Variants in ZNF827 observed in about 807,000 individuals in gnomAD.
ZNF827 encodes the protein zinc finger protein 827.
In ZNF827, 13 loss-of-function variants were observed where a neutral mutation model predicts 102.4. The observed-to-expected ratio is 0.13, with a 90% CI of 0.08 to 0.20. The LOEUF is 0.20. Ranked by LOEUF, ZNF827 falls within the 10% of genes least tolerant of loss-of-function variation. The pLI, the probability that ZNF827 is intolerant of heterozygous loss-of-function variation, is 1.00. For synonymous variants in ZNF827, 523 were observed against 536.2 expected (o/e 0.98, Z 0.34); for missense variants, 1,103 against 1,344.4 (o/e 0.82, Z 2.81).
At chr4:145,806,288 A>T (rs1741437795) in intron 8 of ZNF827, among the ~76,000 whole-genome samples, 1 of 151,028 alleles carries the variant, frequency 6.6e-6, no homozygotes, top group African/African-American at 2.4e-5. Context: ...AGTAACTGGG[A>T]TCACAGGCAC....
Position 145,902,503 on chromosome 4 carries a change from G to A in ZNF827, c.756C>T (p.Thr252=). The A allele has an allele frequency of 3.1e-6, 5 of 1,614,166 alleles. No individual in the cohort carries two copies. The highest frequency in any genetic ancestry group is 4.2e-6 in the Non-Finnish European group (5 of 1,180,046). Residue 252 remains threonine, a synonymous_variant, in exon 2 of 15, where the codon ACC becomes ACT. Coordinates refer to ENST00000508784, the MANE Select transcript of ZNF827 (RefSeq NM_001306215.2). This position sits in a 1 kb window ranked among gnomAD's most constrained non-coding sequence, Gnocchi z 4.3. ...SPFSSQSASS[T]LAALSKKVSE... The stretch of plus-strand genomic sequence containing the variant: ...TGACCTTCTTGGACAAAGCGGCCAA[G>A]GTAGAACTGGCAGACTGGGAGCTAA...
chr4:145,917,472 A>G (rs1305657678), intron 1 of ZNF827, among the ~76,000 whole-genome samples: 1 of 152,090 alleles, frequency 6.6e-6, no homozygotes, highest in East Asian at 1.9e-4. Flanking sequence ...TCCCATGATA[A>G]TAATATTAAC....
Position 145,774,422 on chromosome 4 carries a change from T to C in ZNF827, c.2860+84A>G, listed in dbSNP as rs984941031. On this transcript the variant is annotated intron_variant, in intron 11 of 14. Transcript: ENST00000508784. ...GGAAAAGGGCAATGTCTCAGGGCAG[T>C]GGGGATGCTTCGGCCAGGTGGCAGG... 17 of 1,455,246 alleles carry C rather than the reference T, an allele frequency of 1.2e-5. No homozygotes were observed. The African/African-American group carries it at 1.8e-4, about 16-fold the overall frequency. The allele number at this position is 1,455,246 out of a possible 1,614,324, so 90.1% of individuals were successfully genotyped here.
In ZNF827 at chr4:145,769,479, T is replaced by C. The variant is rs972733649; in HGVS notation, c.2861-3741A>G. Among the ~76,000 whole-genome samples the C allele has an allele frequency of 1.6e-4, 24 of 152,194 alleles. 2 individuals are homozygous for C. The highest frequency in any genetic ancestry group is 1.5e-3 in the Admixed American group (23 of 15,284). ...TAATTTCAACTACCATCTCTAAACA[T>C]AGATTCAAGTACCCTTAGGCTTAAG... On this transcript the variant is annotated intron_variant, in intron 11 of 14. Transcript: ENST00000508784.
intron 11 of ZNF827, among the ~76,000 whole-genome samples, chr4:145,772,083 C>T (rs1736373782): frequency 6.6e-6 from 1 of 152,172 alleles, no homozygotes; most frequent in Non-Finnish European, 1.5e-5. Flanking sequence ...GTAACTTCCA[C>T]ATAGATTACA....
chr4:145,844,224 T>C (rs1403289893), intron 7 of ZNF827, among the ~76,000 whole-genome samples: 1 of 151,968 alleles, frequency 6.6e-6, no homozygotes, highest in Non-Finnish European at 1.5e-5. Context: ...AAACTTAATA[T>C]ACAAAATAGC....
At chr4:145,794,263 G>T (rs1740148423) in intron 8 of ZNF827, among the ~76,000 whole-genome samples, 1 of 152,186 alleles carries the variant, frequency 6.6e-6, no homozygotes, top group Non-Finnish European at 1.5e-5. Flanking sequence ...GCCACATTCT[G>T]ATTTCAACAG....
At chr4:145,821,746 A>C (rs1431304601) in intron 8 of ZNF827, among the ~76,000 whole-genome samples, 3 of 152,050 alleles carry the variant, frequency 2.0e-5, no homozygotes, top group Admixed American at 6.5e-5. Context: ...TTAAGCTTTT[A>C]AAGTGTGAGT....
chr4:145,826,249 A>G (rs1184579762), intron 7 of ZNF827, among the ~76,000 whole-genome samples: 2 of 152,244 alleles, frequency 1.3e-5, no homozygotes, highest in African/African-American at 4.8e-5. Flanking sequence ...CAGTTTCGTC[A>G]CTGAAAAAGA....
rs193104602 is a variant in ZNF827 at position 145,915,219 on chromosome 4, G to C, written c.44-12004C>G. Among the ~76,000 whole-genome samples the C allele has an allele frequency of 4.2e-4, 64 of 152,220 alleles. 1 individual carries two copies. The highest frequency in any genetic ancestry group is 4.1e-3 in the East Asian group (21 of 5,184). On this transcript the variant is annotated intron_variant, in intron 1 of 14. Coordinates refer to ENST00000508784, the MANE Select transcript of ZNF827 (RefSeq NM_001306215.2). ...TCTCAGCCCTTTGGGAGGCTGAGGC[G>C]GGTGGATCACCTGAGGTTGGGCGTT...
intron 5 of ZNF827, among the ~76,000 whole-genome samples, chr4:145,869,621 C>T (rs906198229): frequency 6.6e-6 from 1 of 152,044 alleles, no homozygotes; most frequent in African/African-American, 2.4e-5. Context: ...GAAAAAAATC[C>T]AAACTATATG....
chr4:145,842,342 G>A (rs1026992705), intron 7 of ZNF827, among the ~76,000 whole-genome samples: 1 of 152,196 alleles, frequency 6.6e-6, no homozygotes, highest in Non-Finnish European at 1.5e-5. Context: ...GGAAAGTGCA[G>A]TCACCAACCC....
At chr4:145,923,505 G>C (rs1753222826) in intron 1 of ZNF827, among the ~76,000 whole-genome samples, 2 of 150,764 alleles carry the variant, frequency 1.3e-5, no homozygotes, top group South Asian at 4.2e-4. Context: ...TGTAATCCCA[G>C]CTACTTGGGA....
chr4:145,812,674 C>T (rs1742147102), intron 8 of ZNF827, among the ~76,000 whole-genome samples: 1 of 152,094 alleles, frequency 6.6e-6, no homozygotes, highest in Admixed American at 6.5e-5. Context: ...ACTACAGGCG[C>T]ACGCCAACAC....
chr4:145,810,036 ACTT>A (rs1218711229), intron 8 of ZNF827, among the ~76,000 whole-genome samples: 1 of 152,228 alleles, frequency 6.6e-6, no homozygotes, highest in Non-Finnish European at 1.5e-5. Flanking sequence ...AGTAACATAT[ACTT>A]CTTATAAAAA....
intron 5 of ZNF827, among the ~76,000 whole-genome samples, chr4:145,860,974 C>A (rs565638389): frequency 3.3e-5 from 5 of 152,320 alleles, no homozygotes; most frequent in Non-Finnish European, 5.9e-5. Flanking sequence ...TCTTCCAGTG[C>A]GGTGCACAGA....
At chr4:145,816,009 C>T (rs567435046) in intron 8 of ZNF827, among the ~76,000 whole-genome samples, 1 of 152,342 alleles carries the variant, frequency 6.6e-6, no homozygotes, top group Admixed American at 6.5e-5. Context: ...TGGGGATAAC[C>T]TATACTTGAG....
chr4:145,872,475 G>C (rs4293803), intron 4 of ZNF827, among the ~76,000 whole-genome samples: 31,570 of 152,162 alleles, frequency 0.21, 3,703 homozygotes, highest in East Asian at 0.43. Context: ...GCCTCCAGAA[G>C]AGAGAAATAA....
rs934638240 is a variant in ZNF827, at chr4:145,760,375, C to G, written c.*1241G>C. The G allele has an allele frequency of 6.6e-6, 1 of 152,364 alleles. No homozygotes were observed. The highest frequency in any genetic ancestry group is 2.4e-5 in the African/African-American group (1 of 41,456). 9.4% of individuals were successfully genotyped at this position (152,364 alleles called of 1,614,324 possible). The stretch of plus-strand genomic sequence containing the variant: ...ACGCCCACACACCGCATTCACCCAA[C>G]AGAAAACCAAATGCACCAGTATATA... On this transcript the variant is annotated 3_prime_UTR_variant, in exon 15 of 15. Coordinates refer to ENST00000508784, the MANE Select transcript of ZNF827 (RefSeq NM_001306215.2).
Sources: gnomAD v4.1 joint callset for allele counts (sites outside exome capture counted in the v4.1 genomes callset) on GRCh38, gnomAD v4.1.1 for gene constraint, Gnocchi (gnomAD v3.1) non-coding constraint, MANE v1.5 for transcripts, NCBI Gene and HGNC (gene_info 2026-07-23, HGNC 2026-07-21) for gene names.